IQGAP2: variants seen among roughly 807,000 people sequenced by gnomAD.
IQGAP2 encodes IQ motif containing GTPase activating protein 2, also known as ras GTPase-activating-like protein IQGAP2.
In IQGAP2, 173 loss-of-function variants were observed where a neutral mutation model predicts 201.3. The ratio of observed to expected loss-of-function variants is 0.86; its 90% CI spans 0.76 to 0.98. The LOEUF is 0.98. IQGAP2 is among the 50% of genes least tolerant of loss of function. The probability of loss-of-function intolerance (pLI) is 0.00; values close to 1 mark genes in which losing one functional copy is unlikely to be tolerated. For synonymous variants in IQGAP2, 675 were observed against 673.9 expected (o/e 1.00, Z -0.03); for missense variants, 1,687 against 1,864.8 (o/e 0.90, Z 1.76).
intron 2 of IQGAP2, among the ~76,000 whole-genome samples, chr5:76,532,650 G>T (rs1337748964): frequency 6.6e-6 from 1 of 152,128 alleles, no homozygotes; most frequent in Non-Finnish European, 1.5e-5. Flanking sequence ...GAGTCTAGGG[G>T]TCCACCACCA....
intron 15 of IQGAP2, among the ~76,000 whole-genome samples, chr5:76,635,741 T>C (rs935655184): frequency 4.6e-5 from 7 of 151,542 alleles, no homozygotes; most frequent in African/African-American, 7.3e-5. Flanking sequence ...CTCTGGAGGC[T>C]CATCTGAGCC....
chr5:76,678,344 A>G (rs1745007837), intron 28 of IQGAP2, among the ~76,000 whole-genome samples: 1 of 151,912 alleles, frequency 6.6e-6, no homozygotes, highest in South Asian at 2.1e-4. Context: ...TGTATTAAGT[A>G]TCTGTTGGGT....
At chr5:76,539,912 A>C (rs1299577449) in intron 2 of IQGAP2, among the ~76,000 whole-genome samples, 1 of 152,220 alleles carries the variant, frequency 6.6e-6, no homozygotes, top group African/African-American at 2.4e-5. Flanking sequence ...CTTCCTGTGC[A>C]TCCTTTCCTG....
chr5:76,477,154 G>C (rs1755482243), intron 2 of IQGAP2, among the ~76,000 whole-genome samples: 1 of 151,880 alleles, frequency 6.6e-6, no homozygotes, highest in Non-Finnish European at 1.5e-5. Context: ...GGGCAACATG[G>C]TGAAACCCTG....
chr5:76,493,048 C>T (rs113340553), intron 2 of IQGAP2, among the ~76,000 whole-genome samples: 2,346 of 152,258 alleles, frequency 0.015, 62 homozygotes, highest in African/African-American at 0.054. Flanking sequence ...CTGTGCTGCT[C>T]TAGTCACTTA....
intron 14 of IQGAP2, among the ~76,000 whole-genome samples, chr5:76,631,270 G>A (rs576399891): frequency 6.6e-6 from 1 of 152,266 alleles, no homozygotes; most frequent in Non-Finnish European, 1.5e-5. Context: ...TGTTAATGAG[G>A]AGGGGTAGAA....
Position 76,461,611 on chromosome 5 carries a change from G to A in IQGAP2, c.88G>A (p.Glu30Lys), listed in dbSNP as rs1754459595. The change falls in exon 2 of 36, where the codon GAG becomes AAG. Residue 30 changes from glutamate (E) to lysine (K), a missense_variant. Transcript: ENST00000274364. ...AAGGCTCTCTGCAGAGGAGATGGATGAGAGGAGGCGGCAGAACATTGCTTA... is the reference window on the plus strand; with the variant it reads ...AAGGCTCTCTGCAGAGGAGATGGATAAGAGGAGGCGGCAGAACATTGCTTA... The part of the protein sequence containing the change: ...DERLSAEEMD[E>K]RRRQNIAYEY... 6.2e-7 allele frequency: 1 copy of A among 1,613,924 alleles called. No homozygotes were observed. Among genetic ancestry groups the A allele is most frequent in the African/African-American group, 1.3e-5 (1 of 74,922 alleles).
At chr5:76,512,512 A>G (rs1057411198) in intron 2 of IQGAP2, among the ~76,000 whole-genome samples, 3 of 152,154 alleles carry the variant, frequency 2.0e-5, no homozygotes, top group African/African-American at 7.2e-5. Context: ...ACTTGGGCTT[A>G]TTGGTGTCAG....
At chr5:76,529,924 A>G (rs889564948) in intron 2 of IQGAP2, among the ~76,000 whole-genome samples, 1 of 152,178 alleles carries the variant, frequency 6.6e-6, no homozygotes, top group African/African-American at 2.4e-5. Flanking sequence ...AGAACAGTTT[A>G]TCATCTCTGA....
chr5:76,403,613 G>C lies in IQGAP2; in HGVS notation c.46+22G>C. On this transcript the variant is annotated intron_variant, in intron 1 of 35. Coordinates refer to ENST00000274364, the MANE Select transcript of IQGAP2 (RefSeq NM_006633.5). The surrounding 1 kb of genome is among the most constrained non-coding windows in gnomAD (Gnocchi z 4.8). ...GGCTGTAAGTGCGCCGGGCGCGCGG[G>C]GTTCCTGCTGGCCTTGGGGAGCTCC... The C allele has an allele frequency of 6.6e-7, 1 of 1,516,716 alleles. No homozygotes were observed. Among genetic ancestry groups the C allele is most frequent in the Non-Finnish European group, 8.8e-7 (1 of 1,134,938 alleles). The allele number at this position is 1,516,716 out of a possible 1,614,324, so 94.0% of individuals were successfully genotyped here.
intron 9 of IQGAP2, among the ~76,000 whole-genome samples, chr5:76,593,843 T>A (rs114480663): frequency 0.017 from 2,625 of 152,308 alleles, 33 homozygotes; most frequent in Middle Eastern, 0.054. Flanking sequence ...TGAATATTCT[T>A]TTTTGCTTGT....
At chr5:76,422,214 A>G (rs906870984) in intron 1 of IQGAP2, among the ~76,000 whole-genome samples, 1 of 152,208 alleles carries the variant, frequency 6.6e-6, no homozygotes, top group Non-Finnish European at 1.5e-5. Context: ...TGGCAGGAGC[A>G]TGTGAGAGCT....
chr5:76,630,674 A>G (rs192625186), intron 14 of IQGAP2, among the ~76,000 whole-genome samples: 1 of 151,276 alleles, frequency 6.6e-6, no homozygotes, highest in East Asian at 2.0e-4. Flanking sequence ...TCTTGTTCCT[A>G]TTACTTTTCT....
intron 1 of IQGAP2, among the ~76,000 whole-genome samples, chr5:76,415,247 T>C (rs750483412): frequency 6.6e-6 from 1 of 152,174 alleles, no homozygotes; most frequent in Non-Finnish European, 1.5e-5. Context: ...AGCAGTAAAA[T>C]CCATGAGGAA....
chr5:76,490,953 G>A (rs1004497799), intron 2 of IQGAP2, among the ~76,000 whole-genome samples: 9 of 148,672 alleles, frequency 6.1e-5, no homozygotes, highest in Admixed American at 6.7e-5. Context: ...AAATGAATAT[G>A]ACATTTAGAA....
chr5:76,683,913 A>G lies in IQGAP2; in HGVS notation c.3901A>G (p.Ile1301Val). Residue 1301 changes from isoleucine to valine, a missense_variant, in exon 30 of 36, where the codon ATA (isoleucine) becomes GTA (valine). Transcript: ENST00000274364. ...AGCTATAGATAGCCGAAGCCTCATG[A>G]TAAAGTAAGTTTGGGGGTTAAAGGG... is the stretch of plus-strand genomic sequence containing the variant. The part of the protein sequence containing the change: ...GEAIDSRSLM[I>V]KTKKLIIDVI... The G allele has an allele frequency of 6.2e-7, 1 of 1,608,994 alleles. No individual in the cohort carries two copies. The highest frequency in any genetic ancestry group is 8.5e-7 in the Non-Finnish European group (1 of 1,177,198).
chr5:76,706,459 TG>T (rs1747908545), intron 35 of IQGAP2, among the ~76,000 whole-genome samples: 1 of 152,312 alleles, frequency 6.6e-6, no homozygotes, highest in Admixed American at 6.5e-5. Context: ...GTGATTTTCC[TG>T]CCTCAGCCTC....
intron 32 of IQGAP2, 107 bp downstream of exon 32, chr5:76,695,773 A>T: frequency 1.3e-6 from 1 of 747,658 alleles, no homozygotes. Context: ...ATGGTTGCAT[A>T]TGCTGTGGTT....
Position 76,590,392 on chromosome 5 carries a change from T to A in IQGAP2, c.641-16T>A. The A allele has an allele frequency of 6.4e-7, 1 of 1,571,266 alleles. No homozygotes were observed. The highest frequency in any genetic ancestry group is 8.6e-7 in the Non-Finnish European group (1 of 1,158,328). On this transcript the variant is annotated splice_polypyrimidine_tract_variant and intron_variant, in intron 7 of 35. Transcript: ENST00000274364. ...GCTGATAAAAACCTTTTTCTCTCTC[T>A]CTCTTTACTTTTTAGTACATGCTGC...
Sources: gnomAD v4.1 joint callset for allele counts (sites outside exome capture counted in the v4.1 genomes callset) on GRCh38, gnomAD v4.1.1 for gene constraint, Gnocchi (gnomAD v3.1) non-coding constraint, MANE v1.5 for transcripts, NCBI Gene and HGNC (gene_info 2026-07-23, HGNC 2026-07-21) for gene names.